EPHA6: variants seen among roughly 807,000 people sequenced by gnomAD.
EPHA6 encodes ephrin type-A receptor 6.
Under a neutral mutation model 112.0 loss-of-function variants are expected in EPHA6, and 50 were observed. The observed-to-expected ratio is 0.45, with a 90% CI of 0.36 to 0.56. The LOEUF (loss-of-function observed/expected upper bound fraction) is 0.56, where lower values mean the gene tolerates loss of function less well. EPHA6 is among the 20% of genes least tolerant of loss of function. The probability of loss-of-function intolerance (pLI) is 0.00; values close to 1 mark genes in which losing one functional copy is unlikely to be tolerated. For synonymous variants in EPHA6, 529 were observed against 490.7 expected (o/e 1.08, Z -1.03); for missense variants, 1,280 against 1,417.4 (o/e 0.90, Z 1.56).
intron 3 of EPHA6, among the ~76,000 whole-genome samples, chr3:97,110,037 CT>C (rs928998915): frequency 7.2e-5 from 11 of 151,968 alleles, no homozygotes; most frequent in African/African-American, 2.7e-4. Context: ...TTGAAATACT[CT>C]TTTCTACATT....
At chr3:96,990,196 G>A (rs891254773) in intron 3 of EPHA6, among the ~76,000 whole-genome samples, 1 of 152,090 alleles carries the variant, frequency 6.6e-6, no homozygotes, top group Non-Finnish European at 1.5e-5. Context: ...CAGAATTAAA[G>A]TAACCAACCG....
At chr3:97,031,849 G>T (rs1360452888) in intron 3 of EPHA6, among the ~76,000 whole-genome samples, 4 of 152,094 alleles carry the variant, frequency 2.6e-5, no homozygotes, top group African/African-American at 9.7e-5. Flanking sequence ...ACTGTTGGTG[G>T]GACTGTAAAC....
chr3:97,467,253 A>G (rs1480258459), intron 7 of EPHA6, among the ~76,000 whole-genome samples: 1 of 151,840 alleles, frequency 6.6e-6, no homozygotes, highest in Non-Finnish European at 1.5e-5. Context: ...TCAAGAAATT[A>G]TTTAGATTTT....
intron 3 of EPHA6, among the ~76,000 whole-genome samples, chr3:97,196,994 T>G (rs952265521): frequency 6.6e-6 from 1 of 151,942 alleles, no homozygotes; most frequent in Non-Finnish European, 1.5e-5. Context: ...ACCACCAATA[T>G]TCACTCAAAG....
At chr3:97,021,779 C>T (rs561701882) in intron 3 of EPHA6, among the ~76,000 whole-genome samples, 1 of 152,172 alleles carries the variant, frequency 6.6e-6, no homozygotes, top group Non-Finnish European at 1.5e-5. Flanking sequence ...AAAGCCCTAT[C>T]TCATATCACA....
At chr3:97,115,472 G>A (rs1051063752) in intron 3 of EPHA6, among the ~76,000 whole-genome samples, 36 of 151,916 alleles carry the variant, frequency 2.4e-4, no homozygotes, top group Non-Finnish European at 1.0e-4. Flanking sequence ...GGTAGGAAAT[G>A]TTAATTTACT....
chr3:97,425,225 G>A (rs1173187515), intron 6 of EPHA6, among the ~76,000 whole-genome samples: 1 of 152,188 alleles, frequency 6.6e-6, no homozygotes, highest in African/African-American at 2.4e-5. Context: ...ACCCCACTGG[G>A]GACTCTGTGT....
In EPHA6 at chr3:96,893,801, T is replaced by A. The variant is rs116603451; in HGVS notation, c.450+26912T>A. ...TTGTTTGCTATGTTGAAAGCAAAGG[T>A]TTGACCTGTCTATGATGCTGAATTT... On this transcript the variant is annotated intron_variant, in intron 2 of 17. Coordinates refer to ENST00000389672, the MANE Select transcript of EPHA6 (RefSeq NM_001080448.3). Among the ~76,000 whole-genome samples, 923 of 152,288 alleles carry A rather than the reference T, an allele frequency of 6.1e-3. 15 individuals carry two copies. The highest frequency in any genetic ancestry group is 0.02 in the African/African-American group (844 of 41,572).
intron 7 of EPHA6, among the ~76,000 whole-genome samples, chr3:97,452,372 A>G (rs2090556745): frequency 6.6e-6 from 1 of 151,888 alleles, no homozygotes; most frequent in Non-Finnish European, 1.5e-5. Context: ...AGACAGATTG[A>G]TAGATGGATC....
chr3:97,276,484 C>T (rs868201511), intron 5 of EPHA6, among the ~76,000 whole-genome samples: 21 of 151,980 alleles, frequency 1.4e-4, no homozygotes, highest in African/African-American at 4.6e-4. Context: ...AACACCTGGC[C>T]GACTGCGGTT....
At chr3:97,147,838 G>A (rs1214154764) in intron 3 of EPHA6, among the ~76,000 whole-genome samples, 4 of 152,064 alleles carry the variant, frequency 2.6e-5, no homozygotes, top group African/African-American at 9.6e-5. Context: ...TGGTATTCTG[G>A]ATTCAGTACT....
intron 3 of EPHA6, among the ~76,000 whole-genome samples, chr3:97,035,696 G>A (rs867715646): frequency 2.0e-4 from 30 of 151,726 alleles, no homozygotes; most frequent in African/African-American, 6.8e-4. Flanking sequence ...TTCATTTATT[G>A]TCGGAGATCT....
intron 6 of EPHA6, among the ~76,000 whole-genome samples, chr3:97,417,559 A>G (rs1559979047): frequency 6.6e-6 from 1 of 152,002 alleles, no homozygotes. Flanking sequence ...CTTGATGGTA[A>G]TTTTGTTTTT....
intron 2 of EPHA6, among the ~76,000 whole-genome samples, chr3:96,912,009 T>C (rs2039242126): frequency 6.6e-6 from 1 of 152,030 alleles, no homozygotes; most frequent in African/African-American, 2.4e-5. Flanking sequence ...AAAATATGCA[T>C]CTTAAATAAA....
intron 1 of EPHA6, among the ~76,000 whole-genome samples, chr3:96,823,891 C>T (rs1387454335): frequency 1.3e-5 from 2 of 151,702 alleles, no homozygotes; most frequent in East Asian, 3.9e-4. Flanking sequence ...GAAATGTGTA[C>T]TGTTGGTGTA....
intron 12 of EPHA6, among the ~76,000 whole-genome samples, chr3:97,596,092 A>C (rs1338179933): frequency 1.3e-5 from 2 of 151,538 alleles, no homozygotes; most frequent in Non-Finnish European, 3.0e-5. Flanking sequence ...TTTTTAGTAG[A>C]GGCGGGGTTT....
chr3:97,022,570 T>A (rs1666474133), intron 3 of EPHA6, among the ~76,000 whole-genome samples: 1 of 152,216 alleles, frequency 6.6e-6, no homozygotes, highest in South Asian at 2.1e-4. Context: ...GCCAGCTCCA[T>A]CTGTGATATG....
At chr3:97,512,704 C>T (rs964873249) in intron 10 of EPHA6, among the ~76,000 whole-genome samples, 1 of 152,122 alleles carries the variant, frequency 6.6e-6, no homozygotes, top group Admixed American at 6.5e-5. Flanking sequence ...GCTGGGATTA[C>T]AGTCATTGCA....
intron 7 of EPHA6, among the ~76,000 whole-genome samples, chr3:97,467,633 T>C (rs957271543): frequency 4.0e-5 from 6 of 151,816 alleles, no homozygotes; most frequent in African/African-American, 1.4e-4. Context: ...GGATGAAAGA[T>C]ATATGCATGA....
Sources: allele counts gnomAD v4.1 joint callset (sites outside exome capture counted in the v4.1 genomes callset), GRCh38; gene constraint gnomAD v4.1.1; transcripts MANE v1.5; gene names NCBI Gene and HGNC (gene_info 2026-07-23, HGNC 2026-07-21).